The following SULT1A2 variants were observed in gnomAD, a reference collection of about 807,000 sequenced individuals.
SULT1A2 encodes sulfotransferase 1A2.
Under a neutral mutation model 36.0 loss-of-function variants are expected in SULT1A2, and 33 were observed. The observed-to-expected ratio is 0.92, with a 90% CI of 0.69 to 1.22. SULT1A2 has a LOEUF of 1.22. Ranked by LOEUF, SULT1A2 falls within the 50% of genes most tolerant of loss-of-function variation. SULT1A2 has a pLI of 0.00. For synonymous variants in SULT1A2, 138 were observed against 144.5 expected (o/e 0.96, Z 0.32); for missense variants, 367 against 383.2 (o/e 0.96, Z 0.35).
intron 4 of SULT1A2, among the ~76,000 whole-genome samples, chr16:28,594,730 G>A (rs1447547924): frequency 1.3e-5 from 2 of 148,618 alleles, no homozygotes; most frequent in African/African-American, 2.5e-5. Flanking sequence ...TGGTATTACA[G>A]GCGTGAGCCA....
chr16:28,595,341 G>T (rs1198800076), intron 4 of SULT1A2, 26 bp downstream of exon 4: 1 of 1,613,264 alleles, frequency 6.2e-7, no homozygotes, highest in Admixed American at 1.7e-5. Flanking sequence ...GAGATTGCGG[G>T]TGTGAACCAC....
intron 1 of SULT1A2, 49 bp downstream of exon 1, chr16:28,596,948 A>G: frequency 8.4e-7 from 1 of 1,183,514 alleles, no homozygotes; most frequent in South Asian, 1.5e-5. Context: ...TTGGAGCCAC[A>G]AGCTGAGCAG....
At position 28,592,345 on chromosome 16, in the gene SULT1A2, C is replaced by T. The variant is rs757329936; in HGVS notation, c.693G>A (p.Glu231=). ...AGTTGGTCATAGGGTTCTTCTTCAT[C>T]TCCTTGAACGACGTGTGCTCAACCA... The part of the protein sequence containing the change: ...DLMVEHTSFK[E]MKKNPMTNYT... The change falls in exon 7 of 8, where the codon GAG becomes GAA. Residue 231 remains glutamate, a synonymous_variant. Coordinates refer to ENST00000335715, the MANE Select transcript of SULT1A2 (RefSeq NM_001054.4). 8.1e-6 allele frequency: 13 copies of T among 1,613,994 alleles called. No individual in the cohort carries two copies. The South Asian group carries it at 1.3e-4, about 16-fold the overall frequency.
At chr16:28,593,671 T>C (rs2151662032) in intron 4 of SULT1A2, 103 bp from the exon 5 acceptor site, 1 of 1,564,808 alleles carries the variant, frequency 6.4e-7, no homozygotes, top group East Asian at 2.2e-5. Context: ...GCTTAGAGGC[T>C]GACTTGTTTG....
intron 6 of SULT1A2, 98 bp downstream of exon 6, chr16:28,593,154 G>A (rs2047014303): frequency 6.4e-7 from 1 of 1,553,544 alleles, no homozygotes; most frequent in Non-Finnish European, 8.7e-7. Context: ...CCTGCTGGAG[G>A]GGCCGCCCAG....
chr16:28,593,429 C>A lies in SULT1A2; in HGVS notation c.499+13G>T, dbSNP rs1209711734. The A allele has an allele frequency of 6.2e-7, 1 of 1,614,080 alleles. No homozygotes were observed. The highest frequency in any genetic ancestry group is 8.5e-7 in the Non-Finnish European group (1 of 1,180,048). On this transcript the variant is annotated intron_variant, in intron 5 of 7. Transcript: ENST00000335715. ...CCTTAGCTCCACACCTTCCTTCCTC[C>A]CATCAAGCCCACCTTCTCCAGCCAT... is the stretch of plus-strand genomic sequence containing the variant.
In SULT1A2 at chr16:28,595,642, A is replaced by G. The variant is rs546104628; in HGVS notation, c.182T>C (p.Ile61Thr). 1.9e-6 allele frequency: 3 copies of G among 1,614,166 alleles called. No homozygotes were observed. The African/African-American group carries it at 4.0e-5, about 22-fold the overall frequency. ...CTTTTCCAGGTCACCGCCCTGGTAG[A>G]TCATGTCCAGAATCTGGCTCACCCA... ...TTWVSQILDM[I>T]YQGGDLEKCH... is the part of the protein sequence containing the mutation. The change falls in exon 3 of 8, where the codon ATC becomes ACC. Residue 61 changes from isoleucine to threonine, a missense_variant. Ile to Thr is a moderately conservative substitution (Grantham distance 89, BLOSUM62 -1). Transcript: ENST00000335715.
At chr16:28,595,270 A>C in intron 4 of SULT1A2, 97 bp downstream of exon 4, 1 of 1,512,530 alleles carries the variant, frequency 6.6e-7, no homozygotes, top group Non-Finnish European at 8.9e-7. Flanking sequence ...TTTTTTTGGA[A>C]GAGACTTATC....
rs369200053 is a variant in SULT1A2 at position 28,595,451 on chromosome 16, C to A, written c.288G>T (p.Leu96=). The A allele has an allele frequency of 6.8e-6, 11 of 1,614,010 alleles. No homozygotes were observed. The highest frequency in any genetic ancestry group is 2.7e-5 in the African/African-American group (2 of 74,966). Residue 96 remains leucine, a synonymous_variant, in exon 4 of 8, where the codon CTG becomes CTT. Transcript: ENST00000335715. Reference sequence around the variant, plus strand: ...GGAGTCGTGGGGCTGGTGTGTTTTTCAGAGTCTCCATCCCTGAGCAGTGGG... The same window carrying A: ...GGAGTCGTGGGGCTGGTGTGTTTTTAAGAGTCTCCATCCCTGAGCAGTGGG... ...VPGIPSGMET[L]KNTPAPRLLK...
intron 6 of SULT1A2, 166 bp from the exon 7 acceptor site, chr16:28,592,609 CT>C: frequency 3.1e-6 from 4 of 1,280,168 alleles, no homozygotes; most frequent in Non-Finnish European, 4.3e-6. Flanking sequence ...AAATGAATTG[CT>C]GTCTGCCCTG....
chr16:28,592,367 A>G lies in SULT1A2; in HGVS notation c.671T>C (p.Val224Ala). Residue 224 changes from valine to alanine, a missense_variant, in exon 7 of 8, where the codon GTT (valine) becomes GCT (alanine). Coordinates refer to ENST00000335715, the MANE Select transcript of SULT1A2 (RefSeq NM_001054.4). ...SLPEETVDLM[V>A]EHTSFKEMKK... ...CATCTCCTTGAACGACGTGTGCTCA[A>G]CCATGAGGTCCACAGTCTCCTCTGG... is the stretch of plus-strand genomic sequence containing the variant. 6.2e-7 allele frequency: 1 copy of G among 1,614,000 alleles called. No homozygotes were observed. Among genetic ancestry groups the G allele is most frequent in the Non-Finnish European group, 8.5e-7 (1 of 1,179,900 alleles).
rs547046992 is a variant in SULT1A2, at chr16:28,592,118, G to A, written c.798C>T (p.Thr266=). 3.5e-5 allele frequency: 57 copies of A among 1,612,088 alleles called. No individual in the cohort carries two copies. In the South Asian group the frequency reaches 5.8e-4, roughly 16 times the overall value. Residue 266 remains threonine (T), a synonymous_variant, in exon 8 of 8, where the codon ACC becomes ACT. Transcript: ENST00000335715. ...MRKGMAGDWK[T]TFTVAQNERF... ...GCTCATTCTGCGCCACGGTGAAGGT[G>A]GTCTTCCAGTCCCCAGCCATGCCTG...
chr16:28,592,837 C>A (rs1474420206), intron 6 of SULT1A2, among the ~76,000 whole-genome samples: 1 of 152,100 alleles, frequency 6.6e-6, no homozygotes, highest in African/African-American at 2.4e-5. Flanking sequence ...GGAGACCAAC[C>A]TGGCCAACAT....
rs1162039013 is a variant in SULT1A2 at position 28,595,773 on chromosome 16, C to T, written c.148+10G>A. The T allele has an allele frequency of 6.2e-7, 1 of 1,612,624 alleles. No homozygotes were observed. Among genetic ancestry groups the T allele is most frequent in the Non-Finnish European group, 8.5e-7 (1 of 1,179,204 alleles). The stretch of plus-strand genomic sequence containing the variant: ...CACCTGGGAGAGGGTGGGTGGCCCT[C>T]CTCACCTACCGGACTTGGGGTAGGT... On this transcript the variant is annotated intron_variant, in intron 2 of 7. Coordinates refer to ENST00000335715, the MANE Select transcript of SULT1A2 (RefSeq NM_001054.4).
intron 6 of SULT1A2, 134 bp from the exon 7 acceptor site, chr16:28,592,577 T>A: frequency 6.6e-7 from 1 of 1,508,342 alleles, no homozygotes; most frequent in Non-Finnish European, 9.0e-7. Context: ...CCTCGACCCC[T>A]GGGACCCCAG....
chr16:28,592,184 G>A (rs753836972), intron 7 of SULT1A2, 44 bp from the exon 8 acceptor site: 1 of 1,613,234 alleles, frequency 6.2e-7, no homozygotes, highest in Non-Finnish European at 8.5e-7. Flanking sequence ...CTCATCCCAG[G>A]GGAGGCCCCG....
Position 28,594,812 on chromosome 16 carries a change from C to T in SULT1A2, c.372+555G>A, listed in dbSNP as rs189096761. On this transcript the variant is annotated intron_variant, in intron 4 of 7. Coordinates refer to ENST00000335715, the MANE Select transcript of SULT1A2 (RefSeq NM_001054.4). ...TTTTTTTTTTTGAGACAGAGTTTTG[C>T]TCTTGTTTCCCAGGCTGCAGTGCAA... Among the ~76,000 whole-genome samples the T allele has an allele frequency of 4.6e-3, 341 of 74,764 alleles. 3 individuals are homozygous for T. The highest frequency in any genetic ancestry group is 0.015 in the African/African-American group (311 of 21,080). 49.0% of individuals were successfully genotyped at this position (74,764 alleles called of 152,430 possible). A position where few individuals can be genotyped will look rare whatever the true frequency, so the allele number is the denominator to read the frequency against.
chr16:28,596,177 C>G (rs994514187), intron 1 of SULT1A2: 263 of 1,363,122 alleles, frequency 1.9e-4, no homozygotes, highest in Non-Finnish European at 2.3e-4. Flanking sequence ...AGGGCCTGGG[C>G]CATGGTGCAG....
intron 4 of SULT1A2, among the ~76,000 whole-genome samples, chr16:28,594,448 T>C (rs2047034859): frequency 6.6e-6 from 1 of 152,170 alleles, no homozygotes; most frequent in South Asian, 2.1e-4. Context: ...GCAAACCTTT[T>C]AAAATATTTA....
Sources: allele counts gnomAD v4.1 joint callset (sites outside exome capture counted in the v4.1 genomes callset), GRCh38; gene constraint gnomAD v4.1.1; transcripts MANE v1.5; gene names NCBI Gene and HGNC (gene_info 2026-07-23, HGNC 2026-07-21).